The following DNAJC8 variants were observed in gnomAD, a reference collection of about 807,000 sequenced individuals.
DNAJC8 encodes dnaJ homolog subfamily C member 8.
DNAJC8 carries 24 observed loss-of-function variants against 43.2 expected under a neutral mutation model. The observed-to-expected ratio is 0.56, with a 90% CI of 0.40 to 0.78. The LOEUF is 0.78. Among genes scored for constraint, DNAJC8 ranks in the 30% least tolerant of loss-of-function variants. The pLI is 0.00. For missense variants in DNAJC8, 207 were observed against 299.4 expected (o/e 0.69, Z 2.28); for synonymous variants, 83 against 98.0 (o/e 0.85, Z 0.90).
At position 28,216,995 on chromosome 1, in the gene DNAJC8, A is replaced by G. The variant is rs188704965; in HGVS notation, c.181-1999T>C. Among the ~76,000 whole-genome samples, 294 of 151,806 alleles carry G rather than the reference A, an allele frequency of 1.9e-3. 1 individual carries two copies. Among genetic ancestry groups the G allele is most frequent in the Non-Finnish European group, 3.5e-3 (235 of 67,912 alleles). ...GGCTCATTTTGTATTTTTAGTAGAG[A>G]TGGGGTTCCTCCATGTTAGTCAGGC... On this transcript the variant is annotated intron_variant, in intron 2 of 8. Coordinates refer to ENST00000263697, the MANE Select transcript of DNAJC8 (RefSeq NM_014280.3).
chr1:28,223,305 C>G (rs968094415), intron 2 of DNAJC8, among the ~76,000 whole-genome samples: 1 of 151,922 alleles, frequency 6.6e-6, no homozygotes, highest in Non-Finnish European at 1.5e-5. Context: ...GCCTACTCAG[C>G]GGGGAGGATC....
intron 6 of DNAJC8, 50 bp downstream of exon 6, chr1:28,208,292 C>T (rs1157233956): frequency 7.6e-6 from 11 of 1,446,988 alleles, no homozygotes; most frequent in South Asian, 1.3e-5. Flanking sequence ...CCCACCAATT[C>T]GTAGACACAA....
intron 2 of DNAJC8, among the ~76,000 whole-genome samples, chr1:28,225,302 A>T (rs967800170): frequency 6.6e-6 from 1 of 151,258 alleles, no homozygotes; most frequent in Non-Finnish European, 1.5e-5. Flanking sequence ...CTAACAATTT[A>T]CTCTTAAAGA....
At chr1:28,230,749 T>C (rs570420900) in intron 1 of DNAJC8, among the ~76,000 whole-genome samples, 1 of 152,322 alleles carries the variant, frequency 6.6e-6, no homozygotes, top group Non-Finnish European at 1.5e-5. Context: ...CAAGTCATCC[T>C]CCAGTCCTCT....
At chr1:28,222,202 C>T (rs1646902966) in intron 2 of DNAJC8, among the ~76,000 whole-genome samples, 1 of 152,056 alleles carries the variant, frequency 6.6e-6, no homozygotes, top group Admixed American at 6.6e-5. Flanking sequence ...AAACAATGAA[C>T]TGGCTGGGCA....
chr1:28,215,390 C>T (rs1352680400), intron 2 of DNAJC8, among the ~76,000 whole-genome samples: 1 of 152,078 alleles, frequency 6.6e-6, no homozygotes, highest in Non-Finnish European at 1.5e-5. Flanking sequence ...GCCCAATGGA[C>T]ACTTTATAAT....
At chr1:28,217,278 C>T (rs1292538614) in intron 2 of DNAJC8, among the ~76,000 whole-genome samples, 3 of 151,866 alleles carry the variant, frequency 2.0e-5, no homozygotes, top group East Asian at 3.9e-4. Flanking sequence ...ACTGTAAGTG[C>T]GTGGAGCACA....
At chr1:28,210,743 G>C (rs1006894481) in intron 3 of DNAJC8, 106 bp from the exon 4 acceptor site, 6 of 721,822 alleles carry the variant, frequency 8.3e-6, no homozygotes, top group Non-Finnish European at 1.4e-5. Context: ...ACGGCAAAAA[G>C]AGACTCTTAG....
chr1:28,222,089 C>T (rs139201419), intron 2 of DNAJC8, among the ~76,000 whole-genome samples: 4 of 152,078 alleles, frequency 2.6e-5, no homozygotes, highest in East Asian at 3.9e-4. Flanking sequence ...GGGAGGAATG[C>T]GGAATTATTG....
chr1:28,210,253 A>C, intron 4 of DNAJC8, 187 bp from the exon 5 acceptor site: 2 of 607,802 alleles, frequency 3.3e-6, no homozygotes, highest in Non-Finnish European at 5.8e-6. Context: ...CTTGGAAAAA[A>C]TTAAATATAT....
At chr1:28,214,823 G>A in intron 3 of DNAJC8, 117 bp downstream of exon 3, 1 of 664,062 alleles carries the variant, frequency 1.5e-6, no homozygotes, top group Non-Finnish European at 2.4e-6. Flanking sequence ...CAGTTACACA[G>A]CCTTAAAAAA....
Position 28,201,229 on chromosome 1 carries a change from T to C in DNAJC8, c.*19A>G, listed in dbSNP as rs1434899808. The C allele has an allele frequency of 6.8e-6, 11 of 1,611,720 alleles. No homozygotes were observed. The East Asian group carries it at 8.9e-5, about 13-fold the overall frequency. On this transcript the variant is annotated 3_prime_UTR_variant, in exon 9 of 9. Coordinates refer to ENST00000263697, the MANE Select transcript of DNAJC8 (RefSeq NM_014280.3). Reference sequence around the variant, plus strand: ...GGGAGATAGCAGGGGAAAGGTTCTGTGCCTGTGACCTTGGGCGGTCACTCA... The same window carrying C: ...GGGAGATAGCAGGGGAAAGGTTCTGCGCCTGTGACCTTGGGCGGTCACTCA...
In DNAJC8 at chr1:28,232,915, G is replaced by T; in HGVS notation, c.78+6C>A. On this transcript the variant is annotated splice_donor_region_variant and intron_variant, in intron 1 of 8. Transcript: ENST00000263697. ...CCGGTGCCACTACTCCTCACTCTGTGTTCACCTCACTGTAGAAGGTCATAA... is the reference window on the plus strand; with the variant it reads ...CCGGTGCCACTACTCCTCACTCTGTTTTCACCTCACTGTAGAAGGTCATAA... 1.2e-6 allele frequency: 2 copies of T among 1,612,836 alleles called. No individual in the cohort carries two copies. The highest frequency in any genetic ancestry group is 1.7e-6 in the Non-Finnish European group (2 of 1,179,948).
At chr1:28,207,722 G>A (rs913113339) in intron 6 of DNAJC8, among the ~76,000 whole-genome samples, 14 of 151,144 alleles carry the variant, frequency 9.3e-5, no homozygotes, top group African/African-American at 3.4e-4. Context: ...GATTACAGGC[G>A]TGAGCCACTG....
intron 2 of DNAJC8, among the ~76,000 whole-genome samples, chr1:28,225,259 C>T (rs892206330): frequency 6.6e-6 from 1 of 151,262 alleles, no homozygotes; most frequent in Non-Finnish European, 1.5e-5. Context: ...AGAAAAATCA[C>T]ATTAAAGTAT....
At chr1:28,230,505 T>G (rs1012288587) in intron 1 of DNAJC8, among the ~76,000 whole-genome samples, 7 of 152,096 alleles carry the variant, frequency 4.6e-5, no homozygotes, top group Admixed American at 3.3e-4. Flanking sequence ...ATCACTTGGG[T>G]GCAGGAATTC....
At position 28,228,913 on chromosome 1, in the gene DNAJC8, T is replaced by C. The variant is rs368183134; in HGVS notation, c.180+9A>G. 14 of 1,610,774 alleles carry C rather than the reference T, an allele frequency of 8.7e-6. No homozygotes were observed. The highest frequency in any genetic ancestry group is 1.1e-5 in the South Asian group (1 of 90,906). On this transcript the variant is annotated intron_variant, in intron 2 of 8. Coordinates refer to ENST00000263697, the MANE Select transcript of DNAJC8 (RefSeq NM_014280.3). Reference sequence around the variant, plus strand: ...ATTACAGAGGCCCTAGCAACATCAATCGGCTCACCTCAAATGGGTTCAAAT... The same window carrying C: ...ATTACAGAGGCCCTAGCAACATCAACCGGCTCACCTCAAATGGGTTCAAAT...
chr1:28,221,127 C>T (rs993713708), intron 2 of DNAJC8, among the ~76,000 whole-genome samples: 4 of 151,838 alleles, frequency 2.6e-5, no homozygotes, highest in Non-Finnish European at 5.9e-5. Context: ...ATCACGAGGT[C>T]AGGAGATCGA....
chr1:28,203,046 C>G (rs1477726499), intron 8 of DNAJC8, among the ~76,000 whole-genome samples: 3 of 152,166 alleles, frequency 2.0e-5, no homozygotes, highest in Non-Finnish European at 2.9e-5. Context: ...CTGCTGCCCC[C>G]CAAAACTTGG....
Sources: allele counts gnomAD v4.1 joint callset (sites outside exome capture counted in the v4.1 genomes callset), GRCh38; gene constraint gnomAD v4.1.1; transcripts MANE v1.5; gene names NCBI Gene and HGNC (gene_info 2026-07-23, HGNC 2026-07-21).